The following WDR86 variants were observed in gnomAD, a reference collection of about 807,000 sequenced individuals.
WDR86 encodes WD repeat-containing protein 86.
A neutral mutation model predicts 36.5 loss-of-function variants in WDR86; 30 were observed. The observed-to-expected ratio is 0.82, with a 90% confidence interval of 0.61 to 1.11. The LOEUF (loss-of-function observed/expected upper bound fraction) is 1.11. WDR86 is among the 50% of genes most tolerant of loss of function. The pLI is 0.00. For synonymous variants in WDR86, 255 were observed against 252.9 expected, an observed-to-expected ratio of 1.01 and a Z score of -0.08; for missense variants, 545 against 561.2, an observed-to-expected ratio of 0.97 and a Z score of 0.29.
In WDR86 at chr7:151,390,379, C is replaced by A. The variant is rs1401639676; in HGVS notation, c.727-5156G>T. 1.3e-5 allele frequency among the ~76,000 whole-genome samples: 2 copies of A among 152,166 alleles called. No homozygotes were observed. The highest frequency in any genetic ancestry group is 4.8e-5 in the African/African-American group (2 of 41,436). ...GATTGTGAAAAAGGAGTCCCCCCAA[C>A]CCCCACAGTCAGGAAGCCTCCGGAA... On this transcript the variant is annotated intron_variant, in intron 3 of 5. Transcript: ENST00000334493. This position sits in a 1 kb window ranked among gnomAD's most constrained non-coding sequence, Gnocchi z 4.5.
chr7:151,409,534 T>A lies in WDR86; in HGVS notation c.56A>T (p.Asn19Ile), dbSNP rs749040924. The change falls in exon 1 of 6, where the codon AAC becomes ATC. Residue 19 changes from asparagine to isoleucine, a missense_variant. By Grantham distance (149) the Asn-to-Ile change is moderately radical. Coordinates refer to ENST00000334493, the MANE Select transcript of WDR86 (RefSeq NM_198285.3). The surrounding 1 kb of genome is among the most constrained non-coding windows in gnomAD (Gnocchi z 5.2). The part of the protein sequence containing the change: ...RVCADHRGGI[N>I]WLSLSPDGQR... ...CCCGTCGGGGCTCAGGCTCAGCCAGTTGATGCCCCCGCGGTGGTCGGCGCA... is the reference window on the plus strand; with the variant it reads ...CCCGTCGGGGCTCAGGCTCAGCCAGATGATGCCCCCGCGGTGGTCGGCGCA... The A allele has an allele frequency of 5.5e-5, 84 of 1,525,418 alleles. No homozygotes were observed. Among genetic ancestry groups the A allele is most frequent in the Non-Finnish European group, 7.4e-5 (84 of 1,141,758 alleles). The allele number at this position is 1,525,418 out of a possible 1,614,324, so 94.5% of individuals were successfully genotyped here.
At position 151,381,557 on chromosome 7, in the gene WDR86, T is replaced by C. The variant is rs953811987; in HGVS notation, c.*25A>G. ...TCTGGGAGCCGCTGGGTGTCTGGGCTGGCGTCTGCAGGGGCCCCGCGGGAT... is the reference window on the plus strand; with the variant it reads ...TCTGGGAGCCGCTGGGTGTCTGGGCCGGCGTCTGCAGGGGCCCCGCGGGAT... On this transcript the variant is annotated 3_prime_UTR_variant, in exon 6 of 6. Transcript: ENST00000334493. This position sits in a 1 kb window ranked among gnomAD's most constrained non-coding sequence, Gnocchi z 4.8. 7.2e-7 allele frequency: 1 copy of C among 1,383,446 alleles called. No individual in the cohort carries two copies. Among genetic ancestry groups the C allele is most frequent in the African/African-American group, 1.5e-5 (1 of 65,290 alleles). The allele number at this position is 1,383,446 out of a possible 1,614,324, so 85.7% of individuals were successfully genotyped here.
chr7:151,376,544 C>A, downstream of WDR86: 1 of 1,273,352 alleles, frequency 7.9e-7, no homozygotes, highest in Non-Finnish European at 1.1e-6. Context: ...AGCTCTTAAA[C>A]ATGAGAGTCG....
At chr7:151,383,174 G>A (rs1452034360) in intron 4 of WDR86, among the ~76,000 whole-genome samples, 5 of 145,390 alleles carry the variant, frequency 3.4e-5, no homozygotes, top group Non-Finnish European at 3.0e-5. Context: ...ACGGGGCGGC[G>A]GGGTGGGGGG....
At chr7:151,407,257 G>A (rs915175515) in intron 1 of WDR86, among the ~76,000 whole-genome samples, 1 of 152,338 alleles carries the variant, frequency 6.6e-6, no homozygotes, top group African/African-American at 2.4e-5. Context: ...ACCTCAAGGG[G>A]ACAAGCAGCC....
At chr7:151,400,330 A>G in intron 1 of WDR86, 89 bp from the exon 2 acceptor site, 1 of 1,364,810 alleles carries the variant, frequency 7.3e-7, no homozygotes, top group Admixed American at 2.8e-5. Flanking sequence ...AAGGGAAGAA[A>G]GCAGGATGTA....
Position 151,381,519 on chromosome 7 carries a change from C to T in WDR86, c.*63G>A. 4 of 1,422,456 alleles carry T rather than the reference C, an allele frequency of 2.8e-6. No individual in the cohort carries two copies. Among genetic ancestry groups the T allele is most frequent in the Non-Finnish European group, 3.6e-6 (4 of 1,099,690 alleles). The allele number at this position is 1,422,456 out of a possible 1,614,324, so 88.1% of individuals were successfully genotyped here. ...CATCGGGCGCCACCACCGCGGGTAGCAGGGCGGGGCGCTCTGGGAGCCGCT... is the reference window on the plus strand; with the variant it reads ...CATCGGGCGCCACCACCGCGGGTAGTAGGGCGGGGCGCTCTGGGAGCCGCT... On this transcript the variant is annotated 3_prime_UTR_variant, in exon 6 of 6. Transcript: ENST00000334493. The surrounding 1 kb of genome is among the most constrained non-coding windows in gnomAD (Gnocchi z 4.8).
In WDR86 at chr7:151,381,925, G is replaced by T. The variant is rs1423623010; in HGVS notation, c.919C>A (p.Leu307Met). The change falls in exon 5 of 6, where the codon CTG (leucine) becomes ATG (methionine). Residue 307 changes from leucine to methionine, a missense_variant. Transcript: ENST00000334493. This position sits in a 1 kb window ranked among gnomAD's most constrained non-coding sequence, Gnocchi z 4.8. ...GTGTGGCCCCGGAACACCCTCCGCA[G>T]CTCTCCAGACTGCGCGTCGAAGGCC... ...ARAFDAQSGELRRVFRGHTFI... is the reference protein window; with the variant it reads ...ARAFDAQSGEMRRVFRGHTFI... The T allele has an allele frequency of 1.2e-6, 2 of 1,610,566 alleles. No homozygotes were observed. Among genetic ancestry groups the T allele is most frequent in the Non-Finnish European group, 1.7e-6 (2 of 1,178,886 alleles).
At chr7:151,379,631 C>CA (rs1240176501), downstream of WDR86, among the ~76,000 whole-genome samples, 3 of 152,180 alleles carry the variant, frequency 2.0e-5, no homozygotes, top group African/African-American at 7.2e-5. Flanking sequence ...CAACATCTCG[C>CA]AAAGCTCTCT....
chr7:151,370,768 C>T, the WDR86 span, among the ~76,000 whole-genome samples: 14 of 148,122 alleles, frequency 9.5e-5, no homozygotes, highest in African/African-American at 3.2e-4. Context: ...TGTTCAATTC[C>T]CACCTGTGAG....
At position 151,390,241 on chromosome 7, in the gene WDR86, C is replaced by T. The variant is rs1321164899; in HGVS notation, c.727-5018G>A. On this transcript the variant is annotated intron_variant, in intron 3 of 5. Transcript: ENST00000334493. This position sits in a 1 kb window ranked among gnomAD's most constrained non-coding sequence, Gnocchi z 4.5. ...GAAAAGTCCCTGGTTCAGCCCTCAA[C>T]GACAGAGCTCTCCCCGTGAAAACAG... Among the ~76,000 whole-genome samples, 3 of 152,152 alleles carry T rather than the reference C, an allele frequency of 2.0e-5. No homozygotes were observed. Among genetic ancestry groups the T allele is most frequent in the Admixed American group, 6.5e-5 (1 of 15,286 alleles).
rs2150888781 is a variant in WDR86 at position 151,409,020 on chromosome 7, G to T, written c.163+407C>A. 1 of 486,932 alleles carries T rather than the reference G, an allele frequency of 2.1e-6. No homozygotes were observed. Among genetic ancestry groups the T allele is most frequent in the Non-Finnish European group, 4.2e-6 (1 of 237,888 alleles). 30.2% of individuals were successfully genotyped at this position (486,932 alleles called of 1,614,324 possible). A position where few individuals can be genotyped will look rare whatever the true frequency, so the allele number is the denominator to read the frequency against. On this transcript the variant is annotated intron_variant, in intron 1 of 5. Transcript: ENST00000334493. This position sits in a 1 kb window ranked among gnomAD's most constrained non-coding sequence, Gnocchi z 5.2. ...TCGTCAACAGGAAATGCCAGCAGAA[G>T]AGCACAATTGGCCACAAAGAGGCCA... is the stretch of plus-strand genomic sequence containing the variant.
the WDR86 span, chr7:151,369,029 ACAGAGT>A: frequency 2.1e-6 from 2 of 959,796 alleles, no homozygotes; most frequent in Non-Finnish European, 2.9e-6. Flanking sequence ...TTTTCTTGAG[ACAGAGT>A]CTCACTTTGT....
intron 4 of WDR86, among the ~76,000 whole-genome samples, 169 bp from the exon 5 acceptor site, chr7:151,382,150 C>T (rs1798641718): frequency 6.6e-6 from 1 of 152,160 alleles, no homozygotes; most frequent in African/African-American, 2.4e-5. Context: ...CGGGTCCCCA[C>T]GGTTATTCTG....
chr7:151,407,998 A>G (rs1800847037), intron 1 of WDR86, among the ~76,000 whole-genome samples: 1 of 152,020 alleles, frequency 6.6e-6, no homozygotes, highest in South Asian at 2.1e-4. Flanking sequence ...AACTGGACTT[A>G]ACATTTCTAA....
rs1013401437 is a variant in WDR86 at position 151,395,839 on chromosome 7, G to A, written c.663C>T (p.Asp221=). Residue 221 remains aspartate (D), a synonymous_variant, in exon 3 of 6, where the codon GAC becomes GAT. Coordinates refer to ENST00000334493, the MANE Select transcript of WDR86 (RefSeq NM_198285.3). The stretch of plus-strand genomic sequence containing the variant: ...CCCGCAGCTGCTCCCCACTCAGGAT[G>A]TCCCAGGCACGGATGGTGGCGTCGG... ...GSTDATIRAW[D]ILSGEQLRVF... 4 of 1,585,006 alleles carry A rather than the reference G, an allele frequency of 2.5e-6. No homozygotes were observed. The highest frequency in any genetic ancestry group is 3.4e-6 in the Non-Finnish European group (4 of 1,167,552).
intron 3 of WDR86, among the ~76,000 whole-genome samples, chr7:151,395,494 G>GGGACACACAC (rs1554421978): frequency 4.8e-5 from 7 of 147,060 alleles, no homozygotes; most frequent in East Asian, 2.0e-4. Context: ...AAGAGATTAG[G>GGGACACACAC]ACACACACAC....
downstream of WDR86, chr7:151,376,260 A>G (rs992735086): frequency 8.6e-6 from 4 of 463,424 alleles, no homozygotes; most frequent in Admixed American, 7.1e-5. Flanking sequence ...GACCTGGGAA[A>G]CCCATCCAGC....
At position 151,400,084 on chromosome 7, in the gene WDR86, C is replaced by T. The variant is rs921117841; in HGVS notation, c.305+16G>A. 2 of 1,549,920 alleles carry T rather than the reference C, an allele frequency of 1.3e-6. No homozygotes were observed. The highest frequency in any genetic ancestry group is 8.7e-7 in the Non-Finnish European group (1 of 1,145,040). The stretch of plus-strand genomic sequence containing the variant: ...ATGTATGGTGAGACTCAGCCCAAGC[C>T]CCCAGCCAGGCTGACCTGTTCACGA... On this transcript the variant is annotated intron_variant, in intron 2 of 5. Transcript: ENST00000334493.
Sources: gnomAD v4.1 joint callset for allele counts (sites outside exome capture counted in the v4.1 genomes callset) on GRCh38, gnomAD v4.1.1 for gene constraint, Gnocchi (gnomAD v3.1) non-coding constraint, MANE v1.5 for transcripts, NCBI Gene and HGNC (gene_info 2026-07-23, HGNC 2026-07-21) for gene names.